CKLF: variants seen among roughly 807,000 people sequenced by gnomAD.
CKLF encodes chemokine like factor, also known as chemokine-like factor.
CKLF carries 16 observed loss-of-function variants against 12.9 expected under a neutral mutation model. That is an observed-to-expected ratio of 1.24 (90% confidence interval 0.84 to 1.88). The LOEUF is 1.88. Among genes scored for constraint, CKLF ranks in the 40% most tolerant of loss-of-function variants. The pLI is 0.00. For missense variants in CKLF, 172 were observed against 188.5 expected (o/e 0.91, Z 0.51); for synonymous variants, 61 against 69.0 (o/e 0.88, Z 0.57).
rs374076565 is a variant in CKLF at position 66,558,161 on chromosome 16, T to G, written c.79-29T>G. 1.9e-6 allele frequency: 3 copies of G among 1,599,960 alleles called. No homozygotes were observed. In the African/African-American group the frequency reaches 4.1e-5, roughly 22 times the overall value. ...GTTTAAATTTGTATTCAGTTGTCAC[T>G]GAATAAATCGTGGGTTTTTTTCTTC... On this transcript the variant is annotated intron_variant, in intron 1 of 3. Coordinates refer to ENST00000264001, the MANE Select transcript of CKLF (RefSeq NM_016951.4).
At chr16:66,552,936 G>T in intron 1 of CKLF, 143 bp downstream of exon 1, 1 of 1,163,940 alleles carries the variant, frequency 8.6e-7, no homozygotes, top group Non-Finnish European at 1.2e-6. Context: ...GCCTCCTTGG[G>T]GAAGAAGGAG....
chr16:66,555,626 T>C (rs2011411204), intron 1 of CKLF, among the ~76,000 whole-genome samples: 1 of 152,212 alleles, frequency 6.6e-6, no homozygotes, highest in South Asian at 2.1e-4. Context: ...AAGCAAGTCT[T>C]TTCTCAAGAA....
intron 1 of CKLF, among the ~76,000 whole-genome samples, chr16:66,553,161 A>AAAAACAAAAACAAAACAAAAAC (rs60363473): frequency 6.7e-6 from 1 of 150,214 alleles, no homozygotes; most frequent in African/African-American, 2.5e-5. Flanking sequence ...CTGCCTCTTT[A>AAAAACAAAAACAAAACAAAAAC]AAAACAAAAA....
Position 66,563,158 on chromosome 16 carries a change from C to G in CKLF, c.274C>G (p.Leu92Val), listed in dbSNP as rs1165022402. 3.7e-6 allele frequency: 6 copies of G among 1,614,090 alleles called. No individual in the cohort carries two copies. The highest frequency in any genetic ancestry group is 5.1e-6 in the Non-Finnish European group (6 of 1,180,018). Residue 92 changes from leucine (L) to valine (V), a missense_variant, in exon 3 of 4, where the codon CTC becomes GTC. Leu to Val is a conservative substitution (Grantham distance 32). Coordinates refer to ENST00000264001, the MANE Select transcript of CKLF (RefSeq NM_016951.4). Reference sequence around the variant, plus strand: ...CTCACTGGTAACAACAGTATTCATGCTCATCGTATCTGTGTTGGCACTGAT... The same window carrying G: ...CTCACTGGTAACAACAGTATTCATGGTCATCGTATCTGTGTTGGCACTGAT... ...INSLVTTVFM[L>V]IVSVLALIPE... is the part of the protein sequence containing the mutation.
chr16:66,565,063 A>G (rs1420716007), intron 3 of CKLF, among the ~76,000 whole-genome samples: 1 of 152,194 alleles, frequency 6.6e-6, no homozygotes, highest in Non-Finnish European at 1.5e-5. Flanking sequence ...AGAGGAGCCA[A>G]TAGTGTACAG....
At chr16:66,563,538 GCAAAA>G (rs1057166137) in intron 3 of CKLF, among the ~76,000 whole-genome samples, 16 of 152,164 alleles carry the variant, frequency 1.1e-4, no homozygotes, top group African/African-American at 2.4e-5. Context: ...CTGATGTCAA[GCAAAA>G]CAAAACAAAA....
rs374981370 is a variant in CKLF at position 66,563,689 on chromosome 16, G to T, written c.333+472G>T. Among the ~76,000 whole-genome samples the T allele has an allele frequency of 2.9e-4, 44 of 152,252 alleles. No individual in the cohort carries two copies. The East Asian group carries it at 4.8e-3, about 17-fold the overall frequency. On this transcript the variant is annotated intron_variant, in intron 3 of 3. Transcript: ENST00000264001. ...AGAATATAATAGATGATGTCCTTAC[G>T]GTAAGAGAACATTGGCAGGGCACCT...
At chr16:66,565,181 G>A (rs1311064823) in intron 3 of CKLF, among the ~76,000 whole-genome samples, 1 of 152,142 alleles carries the variant, frequency 6.6e-6, no homozygotes, top group Non-Finnish European at 1.5e-5. Flanking sequence ...GCCATGTCTG[G>A]AGCCAGGAAG....
chr16:66,561,957 G>A (rs866948900), intron 2 of CKLF, among the ~76,000 whole-genome samples: 2 of 152,134 alleles, frequency 1.3e-5, no homozygotes, highest in African/African-American at 2.4e-5. Flanking sequence ...CTTTGTAAAA[G>A]TATTAAGCGA....
chr16:66,566,233 G>C, downstream of CKLF: 1 of 1,482,828 alleles, frequency 6.7e-7, no homozygotes, highest in South Asian at 1.3e-5. This position sits in a 1 kb window ranked among gnomAD's most constrained non-coding sequence, Gnocchi z 4.9. Flanking sequence ...AATGTGCCGG[G>C]ATCCGCCTCA....
intron 2 of CKLF, among the ~76,000 whole-genome samples, chr16:66,560,729 G>A (rs890621899): frequency 6.6e-6 from 1 of 151,722 alleles, no homozygotes; most frequent in African/African-American, 2.4e-5. Flanking sequence ...AAGTGTGACT[G>A]GTGTCACCGA....
chr16:66,557,456 C>T (rs895193372), intron 1 of CKLF, among the ~76,000 whole-genome samples: 1 of 152,232 alleles, frequency 6.6e-6, no homozygotes, highest in South Asian at 2.1e-4. Flanking sequence ...GCATGAGCCA[C>T]CGCGCCCACC....
intron 2 of CKLF, 96 bp from the exon 3 acceptor site, chr16:66,563,022 CTTTG>C: frequency 7.2e-7 from 1 of 1,381,302 alleles, no homozygotes; most frequent in Non-Finnish European, 1.0e-6. Flanking sequence ...TGCCTGCTGA[CTTTG>C]TTTTTTGTTG....
chr16:66,553,184 C>CT (rs1311710758), intron 1 of CKLF, among the ~76,000 whole-genome samples: 4 of 126,114 alleles, frequency 3.2e-5, no homozygotes, highest in Admixed American at 3.1e-4. Flanking sequence ...AAAAAAAACC[C>CT]TTTTTTTAAA....
chr16:66,555,721 T>C (rs1430012582), intron 1 of CKLF, among the ~76,000 whole-genome samples: 3 of 152,198 alleles, frequency 2.0e-5, no homozygotes, highest in South Asian at 4.1e-4. Context: ...TGAAGAATTT[T>C]AAATAGATGA....
intron 2 of CKLF, 130 bp downstream of exon 2, chr16:66,558,478 C>G (rs1399367820): frequency 5.3e-6 from 7 of 1,322,062 alleles, no homozygotes; most frequent in Non-Finnish European, 7.1e-6. Flanking sequence ...AGGAGCTCTA[C>G]CCATTGCTAA....
Position 66,566,008 on chromosome 16 carries a change from G to T in CKLF, c.456G>T (p.Leu152Phe). 1 of 1,610,198 alleles carries T rather than the reference G, an allele frequency of 6.2e-7. No individual in the cohort carries two copies. The highest frequency in any genetic ancestry group is 1.3e-5 in the African/African-American group (1 of 74,858). ...KKPVHEKKEV[L>F] ...CTGTGCATGAAAAAAAAGAAGTTTTGTAATTTTATATTACTTTTTAGTTTG... is the reference window on the plus strand; with the variant it reads ...CTGTGCATGAAAAAAAAGAAGTTTTTTAATTTTATATTACTTTTTAGTTTG... Residue 152 changes from leucine (L) to phenylalanine (F), a missense_variant, in exon 4 of 4, where the codon TTG becomes TTT. Coordinates refer to ENST00000264001, the MANE Select transcript of CKLF (RefSeq NM_016951.4). The surrounding 1 kb of genome is among the most constrained non-coding windows in gnomAD (Gnocchi z 4.9).
intron 1 of CKLF, among the ~76,000 whole-genome samples, chr16:66,553,148 G>A (rs557576986): frequency 5.0e-5 from 7 of 138,860 alleles, no homozygotes; most frequent in South Asian, 4.6e-4. Flanking sequence ...CGACAGAGAG[G>A]TCCTGCCTCT....
At chr16:66,566,216 A>T, downstream of CKLF, 1 of 1,500,520 alleles carries the variant, frequency 6.7e-7, no homozygotes, top group East Asian at 2.5e-5. This position sits in a 1 kb window ranked among gnomAD's most constrained non-coding sequence, Gnocchi z 4.9. Context: ...CCTGGGTGGC[A>T]GGGAAGAATG....
Sources: allele counts gnomAD v4.1 joint callset (sites outside exome capture counted in the v4.1 genomes callset), GRCh38; gene constraint gnomAD v4.1.1; non-coding constraint Gnocchi (gnomAD v3.1); transcripts MANE v1.5; gene names NCBI Gene and HGNC (gene_info 2026-07-23, HGNC 2026-07-21).